The following ERGIC1 variants were observed in gnomAD, a reference collection of about 807,000 sequenced individuals.
ERGIC1 encodes the protein endoplasmic reticulum-Golgi intermediate compartment protein 1.
A neutral mutation model predicts 38.3 loss-of-function variants in ERGIC1; 19 were observed. The observed-to-expected ratio is 0.50, with a 90% CI of 0.35 to 0.73. ERGIC1 has a LOEUF of 0.73. Ranked by LOEUF, ERGIC1 falls within the 30% of genes least tolerant of loss-of-function variation. The pLI is 0.01. For synonymous variants in ERGIC1, 124 were observed against 157.6 expected (o/e 0.79, Z 1.60); for missense variants, 294 against 389.2 (o/e 0.76, Z 2.06).
intron 4 of ERGIC1, among the ~76,000 whole-genome samples, chr5:172,913,122 G>A (rs759829468): frequency 2.6e-5 from 4 of 152,220 alleles, no homozygotes; most frequent in Non-Finnish European, 5.9e-5. Context: ...AGGAAACTGA[G>A]GCACAGAGAT....
chr5:172,842,549 G>A (rs1336600770), intron 1 of ERGIC1, among the ~76,000 whole-genome samples: 2 of 152,118 alleles, frequency 1.3e-5, no homozygotes, highest in Admixed American at 6.5e-5. Flanking sequence ...TGGGACCGCT[G>A]GATCCTATGG....
In ERGIC1 at chr5:172,834,498, C is replaced by T. The variant is rs1186126747; in HGVS notation, c.20+65C>T. ...CGGGCAGAGGGAGCGCCCCGGCACG[C>T]CGCGGACCCCTCCCGCCCTGCATGC... On this transcript the variant is annotated intron_variant, in intron 1 of 9. Coordinates refer to ENST00000393784, the MANE Select transcript of ERGIC1 (RefSeq NM_001031711.3). This position sits in a 1 kb window ranked among gnomAD's most constrained non-coding sequence, Gnocchi z 4.1. 2.4e-6 allele frequency: 3 copies of T among 1,260,348 alleles called. No homozygotes were observed. Among genetic ancestry groups the T allele is most frequent in the South Asian group, 2.8e-5 (1 of 36,066 alleles). 78.1% of individuals were successfully genotyped at this position (1,260,348 alleles called of 1,614,324 possible).
intron 5 of ERGIC1, chr5:172,915,144 A>G: frequency 1.5e-6 from 1 of 666,820 alleles, no homozygotes; most frequent in East Asian, 2.7e-5. Context: ...TCCCAGCTCT[A>G]CCCCTTCTTG....
At chr5:172,942,370 G>A (rs563082617) in intron 9 of ERGIC1, among the ~76,000 whole-genome samples, 8 of 152,114 alleles carry the variant, frequency 5.3e-5, no homozygotes, top group South Asian at 2.1e-4. Flanking sequence ...CTCTGCCCCC[G>A]CTACCCTGCT....
At chr5:172,915,688 C>G (rs902449474) in intron 5 of ERGIC1, 1 of 469,616 alleles carries the variant, frequency 2.1e-6, no homozygotes, top group African/African-American at 2.0e-5. Flanking sequence ...CACCATTTGA[C>G]AGGTTAGGAT....
At chr5:172,913,157 C>A (rs1421233176) in intron 4 of ERGIC1, among the ~76,000 whole-genome samples, 1 of 152,238 alleles carries the variant, frequency 6.6e-6, no homozygotes, top group Admixed American at 6.5e-5. Flanking sequence ...GAGGTCTCAG[C>A]GCTAGTAACT....
At chr5:172,892,492 T>G (rs1451983149) in intron 2 of ERGIC1, among the ~76,000 whole-genome samples, 1 of 152,188 alleles carries the variant, frequency 6.6e-6, no homozygotes, top group East Asian at 1.9e-4. Context: ...ACAAATTCCT[T>G]GACCTCTCGG....
chr5:172,867,218 C>A (rs1561708914), intron 1 of ERGIC1: 1 of 455,404 alleles, frequency 2.2e-6, no homozygotes, highest in East Asian at 7.0e-5. Flanking sequence ...GGGATGCTGG[C>A]AGCCCCTCCC....
intron 9 of ERGIC1, chr5:172,936,953 C>G (rs980309094): frequency 6.6e-6 from 1 of 152,138 alleles, no homozygotes; most frequent in Non-Finnish European, 1.5e-5. Context: ...GAGTCATGAT[C>G]GTGCCACTTC....
Position 172,846,324 on chromosome 5 carries a change from G to A in ERGIC1, c.20+11891G>A, listed in dbSNP as rs1761280908. 1.3e-5 allele frequency among the ~76,000 whole-genome samples: 2 copies of A among 152,186 alleles called. No individual in the cohort carries two copies. Among genetic ancestry groups the A allele is most frequent in the Admixed American group, 6.5e-5 (1 of 15,280 alleles). On this transcript the variant is annotated intron_variant, in intron 1 of 9. Coordinates refer to ENST00000393784, the MANE Select transcript of ERGIC1 (RefSeq NM_001031711.3). This position sits in a 1 kb window ranked among gnomAD's most constrained non-coding sequence, Gnocchi z 4.0. Reference sequence around the variant, plus strand: ...AACAGCGCCTCTTTCTGCGCTGTCTGTGCAGGACGCCCAGCACTGGGCACT... The same window carrying A: ...AACAGCGCCTCTTTCTGCGCTGTCTATGCAGGACGCCCAGCACTGGGCACT...
chr5:172,910,310 C>T (rs1763173576), intron 4 of ERGIC1, among the ~76,000 whole-genome samples: 2 of 152,048 alleles, frequency 1.3e-5, no homozygotes, highest in Admixed American at 6.6e-5. Flanking sequence ...GCATCTCAAG[C>T]GAGAAGACCT....
chr5:172,950,900 G>A lies in ERGIC1; in HGVS notation c.*84G>A. ...CCTGTCTCCTTTGGCCCTCAATCTG[G>A]TCCCAAATCTGGCTGTGTCCCAAAG... On this transcript the variant is annotated 3_prime_UTR_variant, in exon 10 of 10. Transcript: ENST00000393784. 2.4e-6 allele frequency: 3 copies of A among 1,246,084 alleles called. No individual in the cohort carries two copies. The highest frequency in any genetic ancestry group is 3.3e-6 in the Non-Finnish European group (3 of 899,244). 77.2% of individuals were successfully genotyped at this position (1,246,084 alleles called of 1,614,324 possible).
chr5:172,852,994 A>G (rs1453225260), intron 1 of ERGIC1, among the ~76,000 whole-genome samples: 1 of 152,194 alleles, frequency 6.6e-6, no homozygotes, highest in Admixed American at 6.5e-5. Flanking sequence ...CAGGGGAGAG[A>G]GGGCATGTGG....
At chr5:172,948,855 C>G (rs971733442) in intron 9 of ERGIC1, among the ~76,000 whole-genome samples, 2 of 152,056 alleles carry the variant, frequency 1.3e-5, no homozygotes, top group Non-Finnish European at 2.9e-5. Context: ...TCGAGACCAG[C>G]CTGGGCAACA....
chr5:172,914,589 C>T (rs773013330), intron 4 of ERGIC1, 125 bp from the exon 5 acceptor site: 3 of 1,508,670 alleles, frequency 2.0e-6, no homozygotes, highest in South Asian at 2.3e-5. Context: ...ACCATGAGCT[C>T]CTGGAGGTCC....
chr5:172,864,105 G>A (rs912070593), intron 1 of ERGIC1, among the ~76,000 whole-genome samples: 5 of 151,982 alleles, frequency 3.3e-5, no homozygotes, highest in African/African-American at 7.2e-5. Context: ...GCTGAGGCAG[G>A]AGAATCGCTT....
chr5:172,849,771 C>T (rs1761358435), intron 1 of ERGIC1, among the ~76,000 whole-genome samples: 2 of 152,180 alleles, frequency 1.3e-5, no homozygotes, highest in Non-Finnish European at 2.9e-5. Flanking sequence ...CACAAGACCT[C>T]ACCCACGCTG....
chr5:172,869,910 T>C (rs775088736), intron 1 of ERGIC1, among the ~76,000 whole-genome samples: 5 of 152,202 alleles, frequency 3.3e-5, no homozygotes, highest in African/African-American at 4.8e-5. Flanking sequence ...TGGCAGACAT[T>C]GCTAATCTAT....
chr5:172,897,583 G>C (rs1762754742), intron 3 of ERGIC1, among the ~76,000 whole-genome samples: 1 of 152,206 alleles, frequency 6.6e-6, no homozygotes, highest in African/African-American at 2.4e-5. Context: ...CCTTGTTAAA[G>C]CTGAAGGGAA....
Sources: gnomAD v4.1 joint callset for allele counts (sites outside exome capture counted in the v4.1 genomes callset) on GRCh38, gnomAD v4.1.1 for gene constraint, Gnocchi (gnomAD v3.1) non-coding constraint, MANE v1.5 for transcripts, NCBI Gene and HGNC (gene_info 2026-07-23, HGNC 2026-07-21) for gene names.